Variants in DDX31 observed in about 807,000 individuals in gnomAD.
DDX31 encodes ATP-dependent DNA helicase DDX31.
Under a neutral mutation model 91.3 loss-of-function variants are expected in DDX31, and 70 were observed. That is an observed-to-expected ratio of 0.77 (90% CI 0.63 to 0.94). The LOEUF is 0.94. Ranked by LOEUF, DDX31 falls within the 40% of genes least tolerant of loss-of-function variation. The pLI, the probability that DDX31 is intolerant of heterozygous loss-of-function variation, is 0.00. For synonymous variants in DDX31, 362 were observed against 350.6 expected, an observed-to-expected ratio of 1.03 and a Z score of -0.36; for missense variants, 902 against 925.0, an observed-to-expected ratio of 0.98 and a Z score of 0.32.
At chr9:132,632,241 T>TATACACACACACACAC (rs1554765289) in intron 14 of DDX31, 150 bp from the exon 15 acceptor site, 3 of 91,938 alleles carry the variant, frequency 3.3e-5, no homozygotes, top group Non-Finnish European at 3.9e-5. Context: ...CCAGTACGTG[T>TATACACACACACACAC]ACACACACAC....
intron 6 of DDX31, among the ~76,000 whole-genome samples, chr9:132,653,847 A>C (rs1388199330): frequency 6.6e-6 from 1 of 152,158 alleles, no homozygotes; most frequent in African/African-American, 2.4e-5. Context: ...ATGGAAAAAT[A>C]AATGTACAAA....
At chr9:132,645,752 G>C (rs547841439) in intron 13 of DDX31, 143 bp downstream of exon 13, 16 of 863,736 alleles carry the variant, frequency 1.9e-5, no homozygotes, top group Non-Finnish European at 2.2e-5. Context: ...ACCCATTTTC[G>C]TCTCATTCTT....
At chr9:132,665,823 T>C (rs1309342586) in intron 1 of DDX31, among the ~76,000 whole-genome samples, 1 of 152,202 alleles carries the variant, frequency 6.6e-6, no homozygotes, top group Non-Finnish European at 1.5e-5. Flanking sequence ...TCAACACAGG[T>C]ACTGTTATCA....
intron 6 of DDX31, chr9:132,658,191 G>A (rs1433300826): frequency 5.9e-6 from 4 of 674,118 alleles, no homozygotes; most frequent in African/African-American, 3.5e-5. Flanking sequence ...CAGGAGCCAG[G>A]AATTAACCTT....
intron 11 of DDX31, 76 bp from the exon 12 acceptor site, chr9:132,647,134 A>ATGGGTGGGTGCTGTATGG: frequency 7.5e-7 from 1 of 1,335,320 alleles, no homozygotes; most frequent in Non-Finnish European, 1.1e-6. Context: ...ACCCCCATAC[A>ATGGGTGGGTGCTGTATGG]GCACCCACCC....
intron 19 of DDX31, among the ~76,000 whole-genome samples, chr9:132,605,443 C>T (rs562757219): frequency 7.9e-5 from 12 of 152,288 alleles, no homozygotes; most frequent in African/African-American, 1.2e-4. Context: ...ACCTGTACAA[C>T]GCAAACACCA....
intron 5 of DDX31, among the ~76,000 whole-genome samples, chr9:132,659,493 C>G (rs1205398023): frequency 6.6e-6 from 1 of 152,206 alleles, no homozygotes; most frequent in African/African-American, 2.4e-5. Flanking sequence ...ATAGCCGAAC[C>G]TGACTACTTC....
intron 19 of DDX31, among the ~76,000 whole-genome samples, chr9:132,608,473 C>T (rs1831145689): frequency 6.6e-6 from 1 of 152,138 alleles, no homozygotes; most frequent in South Asian, 2.1e-4. Context: ...GGTCCCTCTC[C>T]CATCGCATGG....
intron 19 of DDX31, among the ~76,000 whole-genome samples, chr9:132,611,330 A>T (rs908663105): frequency 1.3e-5 from 2 of 152,186 alleles, no homozygotes; most frequent in East Asian, 3.9e-4. Context: ...ATCCGCCCCA[A>T]AGTTCTGACA....
intron 3 of DDX31, among the ~76,000 whole-genome samples, chr9:132,661,699 C>A (rs1834960099): frequency 6.6e-6 from 1 of 152,306 alleles, no homozygotes; most frequent in African/African-American, 2.4e-5. Flanking sequence ...GGAAACCAAG[C>A]CTGCCTAAAA....
intron 4 of DDX31, 35 bp from the exon 5 acceptor site, chr9:132,659,815 A>G (rs1234647154): frequency 5.6e-6 from 9 of 1,602,674 alleles, no homozygotes; most frequent in Non-Finnish European, 7.7e-6. Context: ...CACTTTACCT[A>G]TATTACCCAG....
intron 18 of DDX31, 93 bp downstream of exon 18, chr9:132,618,237 G>T: frequency 9.7e-7 from 1 of 1,027,544 alleles, no homozygotes; most frequent in Non-Finnish European, 1.4e-6. Context: ...CTCCATGTTG[G>T]CCTCTCAACC....
intron 19 of DDX31, among the ~76,000 whole-genome samples, chr9:132,597,060 A>T (rs1830471604): frequency 6.6e-6 from 1 of 152,176 alleles, no homozygotes. Flanking sequence ...GATCGCAGTC[A>T]CAGTTAAACA....
Position 132,648,257 on chromosome 9 carries a change from A to T in DDX31, c.899T>A (p.Ile300Lys). The change falls in exon 11 of 20, where the codon ATA becomes AAA. Residue 300 changes from isoleucine to lysine, a missense_variant. Physicochemically the swap from Ile to Lys is moderately radical, Grantham distance 102. Transcript: ENST00000372159. Reference protein sequence around the residue: ...DLGFEKDITVILNAVNAECQK... With the variant: ...DLGFEKDITVKLNAVNAECQK... ...GCATTCAGCATTTACAGCATTAAGT[A>T]TCACTGTGATGTCCTTTTCAAAACC... 6.2e-7 allele frequency: 1 copy of T among 1,613,862 alleles called. No individual in the cohort carries two copies. The highest frequency in any genetic ancestry group is 8.5e-7 in the Non-Finnish European group (1 of 1,179,922).
In DDX31 at chr9:132,646,964, C is replaced by T. The variant is rs761115774; in HGVS notation, c.1062G>A (p.Ala354=). The T allele has an allele frequency of 1.3e-5, 21 of 1,614,172 alleles. No homozygotes were observed. The highest frequency in any genetic ancestry group is 6.7e-5 in the East Asian group (3 of 44,870). ...SHDQLNPKDK[A]VQEVCPPPAG... is the part of the protein sequence containing the mutation. ...CTGGTGGAGGACAGACCTCCTGGAC[C>T]GCTTTGTCCTTTGGGTTCAACTGGT... Residue 354 remains alanine, a synonymous_variant, in exon 12 of 20, where the codon GCG becomes GCA. Transcript: ENST00000372159.
intron 1 of DDX31, 135 bp from the exon 2 acceptor site, chr9:132,662,830 A>G: frequency 4.0e-6 from 5 of 1,235,242 alleles, no homozygotes; most frequent in Non-Finnish European, 5.6e-6. Context: ...GTCAAGCAAC[A>G]GTTTAGGGTT....
rs1239114727 is a variant in DDX31 at position 132,624,191 on chromosome 9, A to G, written c.1713+1473T>C. On this transcript the variant is annotated intron_variant, in intron 17 of 19. Coordinates refer to ENST00000372159, the MANE Select transcript of DDX31 (RefSeq NM_022779.9). ...CAAAAAAAAAAAAAAAAAAAAAAAA[A>G]AAGAAGAAACCAAAAAAGCCCCTTA... 9.6e-5 allele frequency among the ~76,000 whole-genome samples: 14 copies of G among 146,204 alleles called. No individual in the cohort carries two copies. In the East Asian group the frequency reaches 1.0e-3, roughly 11 times the overall value.
chr9:132,659,666 G>T, intron 5 of DDX31, 44 bp downstream of exon 5: 3 of 1,572,982 alleles, frequency 1.9e-6, no homozygotes, highest in South Asian at 1.2e-5. Flanking sequence ...GCATGACCAT[G>T]GGCCTGAGCA....
intron 17 of DDX31, among the ~76,000 whole-genome samples, chr9:132,621,814 T>C (rs944777952): frequency 3.9e-5 from 6 of 152,268 alleles, no homozygotes; most frequent in Admixed American, 2.0e-4. Flanking sequence ...TGTATATCTA[T>C]GTGATAATTA....
Sources: gnomAD v4.1 joint callset for allele counts (sites outside exome capture counted in the v4.1 genomes callset) on GRCh38, gnomAD v4.1.1 for gene constraint, MANE v1.5 for transcripts, NCBI Gene and HGNC (gene_info 2026-07-23, HGNC 2026-07-21) for gene names.